ADAMTS2: variants seen among roughly 807,000 people sequenced by gnomAD.
ADAMTS2 encodes the protein ADAM metallopeptidase with thrombospondin type 1 motif 2, also known as A disintegrin and metalloproteinase with thrombospondin motifs 2.
A neutral mutation model predicts 123.0 loss-of-function variants in ADAMTS2; 50 were observed. The ratio of observed to expected loss-of-function variants is 0.41; its 90% CI spans 0.32 to 0.51. The LOEUF is 0.51. ADAMTS2 is among the 20% of genes least tolerant of loss of function. ADAMTS2 has a pLI of 0.35. For missense variants in ADAMTS2, 1,494 were observed against 1,705.2 expected, an observed-to-expected ratio of 0.88 and a Z score of 2.18; for synonymous variants, 678 against 695.4, an observed-to-expected ratio of 0.98 and a Z score of 0.39.
At chr5:179,204,719 G>A (rs1356898643) in intron 4 of ADAMTS2, among the ~76,000 whole-genome samples, 2 of 152,236 alleles carry the variant, frequency 1.3e-5, no homozygotes, top group Admixed American at 6.5e-5. Flanking sequence ...AGGCACGGCC[G>A]CGCCTTATCT....
intron 10 of ADAMTS2, among the ~76,000 whole-genome samples, chr5:179,144,577 G>A (rs1007336143): frequency 8.5e-5 from 13 of 152,230 alleles, no homozygotes; most frequent in African/African-American, 2.9e-4. Context: ...ATATACCGAC[G>A]GAATAGAACA....
At position 179,151,747 on chromosome 5, in the gene ADAMTS2, C is replaced by T. The variant is rs1001096957; in HGVS notation, c.1629+395G>A. ...GACAGTGTGCCCAACAAGGGACAAACACTGAGGTCCTGGGGATGGAAAGGT... is the reference window on the plus strand; with the variant it reads ...GACAGTGTGCCCAACAAGGGACAAATACTGAGGTCCTGGGGATGGAAAGGT... On this transcript the variant is annotated intron_variant, in intron 10 of 21. Transcript: ENST00000251582. Among the ~76,000 whole-genome samples, 10 of 152,330 alleles carry T rather than the reference C, an allele frequency of 6.6e-5. 1 individual carries two copies. Among genetic ancestry groups the T allele is most frequent in the Admixed American group, 4.6e-4 (7 of 15,302 alleles).
At position 179,162,148 on chromosome 5, in the gene ADAMTS2, G is replaced by T. The variant is rs1366126634; in HGVS notation, c.976-3269C>A. Among the ~76,000 whole-genome samples the T allele has an allele frequency of 6.6e-6, 1 of 152,186 alleles. No individual in the cohort carries two copies. The highest frequency in any genetic ancestry group is 1.5e-5 in the Non-Finnish European group (1 of 68,028). On this transcript the variant is annotated intron_variant, in intron 5 of 21. Transcript: ENST00000251582. This position sits in a 1 kb window ranked among gnomAD's most constrained non-coding sequence, Gnocchi z 5.1. ...CAGGGTCCTAAGCCCCATGTAGTGGGACGGTCCCTTCCGATGCCCTGGTGG... is the reference window on the plus strand; with the variant it reads ...CAGGGTCCTAAGCCCCATGTAGTGGTACGGTCCCTTCCGATGCCCTGGTGG...
intron 2 of ADAMTS2, among the ~76,000 whole-genome samples, chr5:179,339,985 C>G (rs1757724752): frequency 6.6e-6 from 1 of 152,252 alleles, no homozygotes; most frequent in Admixed American, 6.5e-5. Flanking sequence ...AGAGTGGGTG[C>G]CTGGCCCAGA....
intron 5 of ADAMTS2, among the ~76,000 whole-genome samples, chr5:179,166,214 G>A (rs113749098): frequency 5.1e-4 from 78 of 152,248 alleles, no homozygotes; most frequent in African/African-American, 1.7e-3. Context: ...GCAGACACTC[G>A]TCCAGGCCCC....
intron 2 of ADAMTS2, among the ~76,000 whole-genome samples, chr5:179,278,646 C>T (rs1766808571): frequency 1.3e-5 from 2 of 151,978 alleles, no homozygotes; most frequent in South Asian, 2.1e-4. Context: ...GTGTGAGTCC[C>T]ACTCTGCTCT....
rs1003072818 is a variant in ADAMTS2, at chr5:179,162,904, G to A, written c.976-4025C>T. Among the ~76,000 whole-genome samples the A allele has an allele frequency of 3.9e-5, 6 of 152,292 alleles. No individual in the cohort carries two copies. Among genetic ancestry groups the A allele is most frequent in the South Asian group, 2.1e-4 (1 of 4,822 alleles). ...CACAGGGACCCCAGTCAGGACACTC[G>A]CTGGCCCATGAAAGATGGCGTCTGA... On this transcript the variant is annotated intron_variant, in intron 5 of 21. Transcript: ENST00000251582. This position sits in a 1 kb window ranked among gnomAD's most constrained non-coding sequence, Gnocchi z 5.1.
rs1762925068 is a variant in ADAMTS2 at position 179,129,636 on chromosome 5, G to A, written c.2457+296C>T. Among the ~76,000 whole-genome samples, 1 of 152,204 alleles carries A rather than the reference G, an allele frequency of 6.6e-6. No individual in the cohort carries two copies. The highest frequency in any genetic ancestry group is 1.9e-4 in the East Asian group (1 of 5,148). On this transcript the variant is annotated intron_variant, in intron 16 of 21. Transcript: ENST00000251582. The surrounding 1 kb of genome is among the most constrained non-coding windows in gnomAD (Gnocchi z 4.1). ...CCGATTCCAATGTAACAGCACACTC[G>A]AACGAGCATGCTGATGGCAGCTGTG...
At chr5:179,329,787 G>C (rs575325278) in intron 2 of ADAMTS2, among the ~76,000 whole-genome samples, 2 of 152,300 alleles carry the variant, frequency 1.3e-5, no homozygotes, top group South Asian at 4.2e-4. Context: ...GAACCAATCA[G>C]CTTCAGAGGA....
chr5:179,136,090 C>T, intron 12 of ADAMTS2, 48 bp from the exon 13 acceptor site: 1 of 1,612,750 alleles, frequency 6.2e-7, no homozygotes, highest in Non-Finnish European at 8.5e-7. Context: ...GATGGCTTCC[C>T]CATGTGTGTG....
chr5:179,122,172 C>G (rs1209828695), intron 20 of ADAMTS2, among the ~76,000 whole-genome samples: 1 of 152,190 alleles, frequency 6.6e-6, no homozygotes, highest in Admixed American at 6.5e-5. Flanking sequence ...CCCAGAGCTC[C>G]CTCCTCTATA....
chr5:179,263,987 G>T (rs1766298061), intron 3 of ADAMTS2, among the ~76,000 whole-genome samples: 1 of 152,212 alleles, frequency 6.6e-6, no homozygotes, highest in African/African-American at 2.4e-5. Context: ...ATTCTGAGAG[G>T]AGATGGGGCC....
Position 179,113,831 on chromosome 5 carries a change from A to G in ADAMTS2, c.*36T>C, listed in dbSNP as rs1455335716. 1.9e-6 allele frequency: 3 copies of G among 1,601,256 alleles called. No homozygotes were observed. In the African/African-American group the frequency reaches 4.0e-5, roughly 21 times the overall value. On this transcript the variant is annotated 3_prime_UTR_variant, in exon 22 of 22. Transcript: ENST00000251582. Reference sequence around the variant, plus strand: ...ATCCCATGGAATATCTCTATAAGCAAGAAAAAAATGCTAGGGATGCTATCT... The same window carrying G: ...ATCCCATGGAATATCTCTATAAGCAGGAAAAAAATGCTAGGGATGCTATCT...
Position 179,207,498 on chromosome 5 carries a change from A to ACCCCCCC in ADAMTS2, c.891+14_891+15insGGGGGGG. The ACCCCCCC allele has an allele frequency of 1.5e-6, 1 of 681,280 alleles. No individual in the cohort carries two copies. The highest frequency in any genetic ancestry group is 2.1e-6 in the Non-Finnish European group (1 of 478,252). The allele number at this position is 681,280 out of a possible 1,614,324, so 42.2% of individuals were successfully genotyped here. ...CCTCCCCGCCCCACCCTGCCCCCTC[A>ACCCCCCC]GCCACCCCACTCACAATGTTCATGA... is the stretch of plus-strand genomic sequence containing the variant. On this transcript the variant is annotated intron_variant, in intron 4 of 21. Coordinates refer to ENST00000251582, the MANE Select transcript of ADAMTS2 (RefSeq NM_014244.5).
Position 179,285,372 on chromosome 5 carries a change from G to A in ADAMTS2, c.535-12308C>T, listed in dbSNP as rs1307547557. Among the ~76,000 whole-genome samples, 3 of 150,072 alleles carry A rather than the reference G, an allele frequency of 2.0e-5. No homozygotes were observed. Among genetic ancestry groups the A allele is most frequent in the South Asian group, 2.1e-4 (1 of 4,828 alleles). On this transcript the variant is annotated intron_variant, in intron 2 of 21. Transcript: ENST00000251582. This position sits in a 1 kb window ranked among gnomAD's most constrained non-coding sequence, Gnocchi z 4.9. ...GACAAGAATGCCTCACGGGGCCAGC[G>A]CAGGGGCCAGCCAGGCGGCCTTCTG...
chr5:179,275,338 T>C (rs1766665879), intron 2 of ADAMTS2, among the ~76,000 whole-genome samples: 1 of 151,580 alleles, frequency 6.6e-6, no homozygotes, highest in Admixed American at 6.6e-5. Context: ...CAGGACGTGG[T>C]AGGGTAGAGC....
rs965873996 is a variant in ADAMTS2 at position 179,202,111 on chromosome 5, C to G, written c.891+5402G>C. Among the ~76,000 whole-genome samples the G allele has an allele frequency of 1.3e-5, 2 of 152,302 alleles. No homozygotes were observed. The highest frequency in any genetic ancestry group is 3.4e-3 in the Middle Eastern group (1 of 294). On this transcript the variant is annotated intron_variant, in intron 4 of 21. Transcript: ENST00000251582. This position sits in a 1 kb window ranked among gnomAD's most constrained non-coding sequence, Gnocchi z 4.0. Reference sequence around the variant, plus strand: ...TTAACATAGACAGGAAGCAGCCCCTCCAGTGATTTCCACTGCTCCCGGAGC... The same window carrying G: ...TTAACATAGACAGGAAGCAGCCCCTGCAGTGATTTCCACTGCTCCCGGAGC...
intron 2 of ADAMTS2, among the ~76,000 whole-genome samples, chr5:179,280,434 G>A (rs1016545661): frequency 2.6e-5 from 4 of 152,176 alleles, no homozygotes; most frequent in African/African-American, 7.2e-5. Context: ...GCTGGACTAC[G>A]TAACCTATGA....
intron 3 of ADAMTS2, among the ~76,000 whole-genome samples, chr5:179,243,464 C>G (rs544121470): frequency 6.6e-6 from 1 of 152,078 alleles, no homozygotes; most frequent in Non-Finnish European, 1.5e-5. Flanking sequence ...AAGGCTGTGC[C>G]CTCCAACAGC....
Sources: gnomAD v4.1 joint callset for allele counts (sites outside exome capture counted in the v4.1 genomes callset) on GRCh38, gnomAD v4.1.1 for gene constraint, Gnocchi (gnomAD v3.1) non-coding constraint, MANE v1.5 for transcripts, NCBI Gene and HGNC (gene_info 2026-07-23, HGNC 2026-07-21) for gene names.